USP28: variants seen among roughly 807,000 people sequenced by gnomAD.
USP28 encodes ubiquitin carboxyl-terminal hydrolase 28.
Under a neutral mutation model 145.0 loss-of-function variants are expected in USP28, and 113 were observed. That is an observed-to-expected ratio of 0.78 (90% CI 0.67 to 0.91). The LOEUF is 0.91. Ranked by LOEUF, USP28 falls within the 40% of genes least tolerant of loss-of-function variation. The probability of loss-of-function intolerance (pLI) is 0.00; values close to 1 mark genes in which losing one functional copy is unlikely to be tolerated. For synonymous variants in USP28, 447 were observed against 450.9 expected (o/e 0.99, Z 0.11); for missense variants, 1,201 against 1,289.6 (o/e 0.93, Z 1.05).
chr11:113,867,498 C>T (rs957412879), intron 1 of USP28, among the ~76,000 whole-genome samples: 5 of 151,904 alleles, frequency 3.3e-5, no homozygotes, highest in Admixed American at 3.3e-4. Context: ...GAATTCCTGA[C>T]CTCAGTGAGC....
In USP28 at chr11:113,813,788, G is replaced by C. The variant is rs1035212017; in HGVS notation, c.1743+97C>G. The C allele has an allele frequency of 9.1e-6, 8 of 880,062 alleles. No homozygotes were observed. In the Admixed American group the frequency reaches 1.0e-4, roughly 11 times the overall value. The allele number at this position is 880,062 out of a possible 1,614,324, so 54.5% of individuals were successfully genotyped here. On this transcript the variant is annotated intron_variant, in intron 15 of 24. Coordinates refer to ENST00000003302, the Ensembl canonical transcript of USP28. ...TTAAGTTTATTCTTTTATCTTAGGG[G>C]GATTCCCATTGGGTTTAAAAGAAAA... is the stretch of plus-strand genomic sequence containing the variant.
intron 14 of USP28, 37 bp from the exon 15 acceptor site, chr11:113,813,992 T>C (rs755157866): frequency 2.7e-6 from 4 of 1,503,064 alleles, no homozygotes; most frequent in Non-Finnish European, 3.7e-6. Flanking sequence ...TTCACTAAAA[T>C]GATCTCATTC....
intron 1 of USP28, among the ~76,000 whole-genome samples, chr11:113,860,993 C>T (rs75132682): frequency 0.12 from 18,117 of 149,148 alleles, 1,078 homozygotes; most frequent in Middle Eastern, 0.17. Context: ...TGGCAGGCAC[C>T]GGTAGTCCCA....
chr11:113,852,979 A>T (rs1229373345), intron 2 of USP28, among the ~76,000 whole-genome samples: 1 of 152,168 alleles, frequency 6.6e-6, no homozygotes, highest in Non-Finnish European at 1.5e-5. Context: ...TAACATAGAC[A>T]TTCTAAATGA....
chr11:113,863,673 CG>C (rs1947950199), intron 1 of USP28, among the ~76,000 whole-genome samples: 1 of 149,076 alleles, frequency 6.7e-6, no homozygotes, highest in African/African-American at 2.5e-5. Context: ...AGGCCGGGCG[CG>C]GTGGCTCACG....
At chr11:113,847,523 T>TA (rs1264098617) in intron 3 of USP28, among the ~76,000 whole-genome samples, 2 of 152,226 alleles carry the variant, frequency 1.3e-5, no homozygotes, top group Admixed American at 1.3e-4. Flanking sequence ...CTTAATGTTC[T>TA]AATTTATTTG....
intron 3 of USP28, among the ~76,000 whole-genome samples, chr11:113,848,003 T>C (rs1334466503): frequency 1.3e-5 from 2 of 152,110 alleles, no homozygotes; most frequent in Non-Finnish European, 2.9e-5. Context: ...AACAACAGGT[T>C]CATTAACAGG....
At chr11:113,854,713 T>C (rs144172012) in intron 1 of USP28, among the ~76,000 whole-genome samples, 1 of 152,324 alleles carries the variant, frequency 6.6e-6, no homozygotes, top group Non-Finnish European at 1.5e-5. Context: ...TGCATTTTTT[T>C]ACTCTAAAGA....
At chr11:113,810,400 C>T (rs1052538594) in intron 16 of USP28, among the ~76,000 whole-genome samples, 1 of 152,210 alleles carries the variant, frequency 6.6e-6, no homozygotes, top group Non-Finnish European at 1.5e-5. Flanking sequence ...CAGATTAACA[C>T]ATTCACTTAC....
At chr11:113,810,034 C>CAA (rs368686301) in intron 16 of USP28, among the ~76,000 whole-genome samples, 1,036 of 67,368 alleles carry the variant, frequency 0.015, 17 homozygotes, top group African/African-American at 0.024. Flanking sequence ...GACTCCATCT[C>CAA]AAAAAAAAAA....
intron 5 of USP28, among the ~76,000 whole-genome samples, chr11:113,839,071 A>G (rs1944903648): frequency 6.6e-6 from 1 of 152,220 alleles, no homozygotes; most frequent in African/African-American, 2.4e-5. Flanking sequence ...TCTATATGGT[A>G]CTAATTTCCA....
chr11:113,862,278 CGGA>C (rs981466037), intron 1 of USP28, among the ~76,000 whole-genome samples: 2 of 152,132 alleles, frequency 1.3e-5, no homozygotes, highest in African/African-American at 4.8e-5. Flanking sequence ...ACCCAGGAGG[CGGA>C]GGTTGCAGTG....
exon 22 of USP28, chr11:113,803,819 A>C (rs1939470278): frequency 6.2e-7 from 1 of 1,613,958 alleles, no homozygotes; most frequent in Non-Finnish European, 8.5e-7. Flanking sequence ...ATAGAGTTCT[A>C]GGCCTGTTAG....
chr11:113,855,066 A>G (rs532310130), intron 1 of USP28, among the ~76,000 whole-genome samples: 1 of 152,236 alleles, frequency 6.6e-6, no homozygotes, highest in East Asian at 1.9e-4. Context: ...CAATCATGTA[A>G]TTAACCAATG....
At chr11:113,872,105 A>G (rs1948877471) in intron 1 of USP28, among the ~76,000 whole-genome samples, 1 of 152,242 alleles carries the variant, frequency 6.6e-6, no homozygotes, top group African/African-American at 2.4e-5. Flanking sequence ...AGCATTAGCT[A>G]TTACTATTAC....
At chr11:113,830,098 A>G (rs1943821684) in intron 9 of USP28, among the ~76,000 whole-genome samples, 2 of 152,196 alleles carry the variant, frequency 1.3e-5, no homozygotes, top group Admixed American at 1.3e-4. Flanking sequence ...TTCTCCAAAA[A>G]ATACATTTCA....
intron 16 of USP28, 147 bp from the exon 17 acceptor site, chr11:113,809,401 T>C: frequency 1.3e-6 from 1 of 796,984 alleles, no homozygotes. Context: ...AGGCTGAGTA[T>C]CTCTTATCCA....
chr11:113,805,317 A>G (rs1259407970), intron 19 of USP28, among the ~76,000 whole-genome samples: 1 of 150,596 alleles, frequency 6.6e-6, no homozygotes, highest in Non-Finnish European at 1.5e-5. Context: ...GTTCAGTGAC[A>G]TGATCACAGC....
intron 16 of USP28, among the ~76,000 whole-genome samples, chr11:113,811,224 A>G (rs1432409812): frequency 6.6e-6 from 1 of 152,110 alleles, no homozygotes; most frequent in Non-Finnish European, 1.5e-5. Context: ...GAAAATGAAG[A>G]TGACAACATT....
Sources: gnomAD v4.1 joint callset for allele counts (sites outside exome capture counted in the v4.1 genomes callset) on GRCh38, gnomAD v4.1.1 for gene constraint, MANE v1.5 for transcripts, NCBI Gene and HGNC (gene_info 2026-07-23, HGNC 2026-07-21) for gene names.